SV2C: variants seen among roughly 807,000 people sequenced by gnomAD.
SV2C encodes solute carrier family 22 member B3.
SV2C carries 49 observed loss-of-function variants against 79.7 expected under a neutral mutation model. The observed-to-expected ratio is 0.61, with a 90% CI of 0.49 to 0.78. The LOEUF (loss-of-function observed/expected upper bound fraction) is 0.78. Ranked by LOEUF, SV2C falls within the 30% of genes least tolerant of loss-of-function variation. The pLI is 0.00. For synonymous variants in SV2C, 334 were observed against 333.2 expected (o/e 1.00, Z -0.03); for missense variants, 833 against 912.9 (o/e 0.91, Z 1.13).
intron 2 of SV2C, among the ~76,000 whole-genome samples, chr5:76,166,018 G>T: frequency 6.6e-6 from 1 of 152,204 alleles, no homozygotes; most frequent in East Asian, 1.9e-4. Context: ...AGCAGGGGAA[G>T]TTGGAGAATA....
chr5:76,266,408 A>G (rs1746657719), intron 4 of SV2C, among the ~76,000 whole-genome samples: 1 of 152,090 alleles, frequency 6.6e-6, no homozygotes, highest in Non-Finnish European at 1.5e-5. Context: ...GGGTTTCACC[A>G]TGTTGGCCAG....
At chr5:76,150,529 A>C (rs1312967479) in intron 2 of SV2C, among the ~76,000 whole-genome samples, 2 of 148,152 alleles carry the variant, frequency 1.3e-5, no homozygotes, top group Non-Finnish European at 3.0e-5. Context: ...TAGATTGGAG[A>C]TGTCTTTGTG....
chr5:76,341,531 A>G (rs1182653997), intron 12 of SV2C, among the ~76,000 whole-genome samples: 3 of 152,212 alleles, frequency 2.0e-5, no homozygotes, highest in African/African-American at 7.2e-5. Flanking sequence ...CAGTCAGACA[A>G]TATGGGTTTG....
intron 1 of SV2C, among the ~76,000 whole-genome samples, chr5:76,101,790 C>T (rs1327159245): frequency 2.0e-5 from 3 of 152,102 alleles, no homozygotes; most frequent in Non-Finnish European, 4.4e-5. Context: ...CCTATTGGCA[C>T]ATGAATGTCT....
the SV2C span, among the ~76,000 whole-genome samples, chr5:76,024,986 G>A: frequency 6.6e-6 from 1 of 152,068 alleles, no homozygotes; most frequent in Non-Finnish European, 1.5e-5. Flanking sequence ...AGATAGACAC[G>A]GATCCTCACC....
At chr5:76,334,564 TC>T (rs1749274962), downstream of SV2C, among the ~76,000 whole-genome samples, 1 of 152,210 alleles carries the variant, frequency 6.6e-6, no homozygotes, top group Non-Finnish European at 1.5e-5. Context: ...AGATCAGCCA[TC>T]CTCATCATAC....
chr5:75,939,095 T>C, the SV2C span, among the ~76,000 whole-genome samples: 1 of 152,170 alleles, frequency 6.6e-6, no homozygotes, highest in Non-Finnish European at 1.5e-5. Context: ...TTCCAGACCC[T>C]TCACCATTAT....
intron 4 of SV2C, chr5:76,281,121 G>A: frequency 1.8e-6 from 1 of 542,118 alleles, no homozygotes; most frequent in Admixed American, 1.9e-5. Context: ...ACCTTATACA[G>A]ATGACAAGAT....
At chr5:75,920,335 G>A in the SV2C span, among the ~76,000 whole-genome samples, 1 of 152,184 alleles carries the variant, frequency 6.6e-6, no homozygotes, top group Non-Finnish European at 1.5e-5. Flanking sequence ...GAATCCTTCA[G>A]TCACCAATCA....
chr5:76,313,228 TC>T (rs1481569275), intron 12 of SV2C, among the ~76,000 whole-genome samples: 2 of 152,218 alleles, frequency 1.3e-5, no homozygotes, highest in Non-Finnish European at 2.9e-5. Flanking sequence ...AAGATAAATA[TC>T]TCACTTATTT....
chr5:75,994,597 T>C, the SV2C span, among the ~76,000 whole-genome samples: 4 of 152,156 alleles, frequency 2.6e-5, no homozygotes, highest in African/African-American at 9.6e-5. Context: ...ATAAGAAATC[T>C]TTTTAACTGA....
chr5:76,171,952 C>G (rs1265753338), intron 2 of SV2C, among the ~76,000 whole-genome samples: 121 of 129,222 alleles, frequency 9.4e-4, no homozygotes, highest in African/African-American at 3.0e-3. Context: ...GTCAGCCCCC[C>G]GCCTGGCCAG....
the SV2C span, among the ~76,000 whole-genome samples, chr5:75,967,949 G>A: frequency 6.6e-6 from 1 of 152,166 alleles, no homozygotes; most frequent in African/African-American, 2.4e-5. Context: ...ACCTCACACG[G>A]CCAGGTACTC....
chr5:76,003,708 C>T, the SV2C span, among the ~76,000 whole-genome samples: 1 of 151,810 alleles, frequency 6.6e-6, no homozygotes, highest in Admixed American at 6.6e-5. Context: ...AAAATGGAAC[C>T]AAGTGGTGAG....
chr5:76,147,783 T>G (rs1749483447), intron 2 of SV2C, among the ~76,000 whole-genome samples: 1 of 152,236 alleles, frequency 6.6e-6, no homozygotes, highest in Middle Eastern at 3.2e-3. Flanking sequence ...TAAATAAAGC[T>G]TACCTCTACA....
intron 4 of SV2C, among the ~76,000 whole-genome samples, chr5:76,227,404 C>T (rs1252287687): frequency 1.3e-5 from 2 of 152,184 alleles, no homozygotes; most frequent in Admixed American, 6.5e-5. Flanking sequence ...GCATTTCCCC[C>T]CTGTCTGGCT....
chr5:76,089,749 T>C (rs995303883), intron 1 of SV2C, among the ~76,000 whole-genome samples: 4 of 152,234 alleles, frequency 2.6e-5, no homozygotes, highest in African/African-American at 9.6e-5. Context: ...TATCTCATTG[T>C]GGTTCCGATT....
the SV2C span, among the ~76,000 whole-genome samples, chr5:75,903,367 GT>G: frequency 7.9e-4 from 110 of 138,920 alleles, no homozygotes; most frequent in Admixed American, 1.5e-3. Flanking sequence ...ACAAAAAGGT[GT>G]TTTTTTTTTT....
intron 4 of SV2C, among the ~76,000 whole-genome samples, chr5:76,236,000 G>A (rs1393900589): frequency 6.6e-6 from 1 of 152,148 alleles, no homozygotes; most frequent in African/African-American, 2.4e-5. Context: ...CTCAGTGGAG[G>A]TTCCCATGTT....
Sources: gnomAD v4.1 joint callset for allele counts (sites outside exome capture counted in the v4.1 genomes callset) on GRCh38, gnomAD v4.1.1 for gene constraint, MANE v1.5 for transcripts, NCBI Gene and HGNC (gene_info 2026-07-23, HGNC 2026-07-21) for gene names.